PLXND1: variants seen among roughly 807,000 people sequenced by gnomAD.
PLXND1 encodes plexin-D1.
A neutral mutation model predicts 197.7 loss-of-function variants in PLXND1; 54 were observed. The ratio of observed to expected loss-of-function variants is 0.27; its 90% CI spans 0.22 to 0.34. PLXND1 has a LOEUF of 0.34. Ranked by LOEUF, PLXND1 falls within the 10% of genes least tolerant of loss-of-function variation. The pLI is 1.00. For synonymous variants in PLXND1, 1,180 were observed against 1,161.2 expected, an observed-to-expected ratio of 1.02 and a Z score of -0.33; for missense variants, 2,127 against 2,699.2, an observed-to-expected ratio of 0.79 and a Z score of 4.70.
intron 5 of PLXND1, among the ~76,000 whole-genome samples, chr3:129,585,606 G>T (rs1025864513): frequency 6.6e-6 from 1 of 152,178 alleles, no homozygotes; most frequent in Non-Finnish European, 1.5e-5. Context: ...TCTAGAACCC[G>T]CCTCTTGAGT....
chr3:129,584,689 CAGGA>C, intron 5 of PLXND1, 127 bp from the exon 6 acceptor site: 1 of 844,592 alleles, frequency 1.2e-6, no homozygotes, highest in South Asian at 1.7e-5. Flanking sequence ...TAGTGGTGGC[CAGGA>C]CTCAGGGCCA....
Position 129,558,481 on chromosome 3 carries a change from T to C in PLXND1, c.5392A>G (p.Ile1798Val), listed in dbSNP as rs758843755. 115 of 1,613,768 alleles carry C rather than the reference T, an allele frequency of 7.1e-5. No individual in the cohort carries two copies. The highest frequency in any genetic ancestry group is 9.4e-5 in the Non-Finnish European group (111 of 1,179,930). Residue 1798 changes from isoleucine to valine, a missense_variant, in exon 33 of 36, where the codon ATC (isoleucine) becomes GTC (valine). Ile to Val is a conservative substitution (Grantham distance 29). Coordinates refer to ENST00000324093, the MANE Select transcript of PLXND1 (RefSeq NM_015103.3). This position sits in a 1 kb window ranked among gnomAD's most constrained non-coding sequence, Gnocchi z 4.1. ...CAGGCGTCGATGAAGGCCTGCGCGA[T>C]GACTGAAAGGCAGGCGTCGATGTGG... ...TDHIDACLSV[I>V]AQAFIDACSI... is the part of the protein sequence containing the mutation.
Position 129,569,877 on chromosome 3 carries a change from G to C in PLXND1, c.3831C>G (p.Val1277=). The C allele has an allele frequency of 1.2e-6, 2 of 1,612,304 alleles. No individual in the cohort carries two copies. Among genetic ancestry groups the C allele is most frequent in the Non-Finnish European group, 1.7e-6 (2 of 1,178,414 alleles). Residue 1277 remains valine, a synonymous_variant, in exon 20 of 36, where the codon GTC becomes GTG. Coordinates refer to ENST00000324093, the MANE Select transcript of PLXND1 (RefSeq NM_015103.3). ...GSETAIIVSI[V]ICSVLLLLSV... is the part of the protein sequence containing the mutation. ...AGAGCAGCAGCAGGACGCTGCAGATGACGATGGACACGATGATGGCCGTCT... is the reference window on the plus strand; with the variant it reads ...AGAGCAGCAGCAGGACGCTGCAGATCACGATGGACACGATGATGGCCGTCT...
At position 129,605,782 on chromosome 3, in the gene PLXND1, C is replaced by G; in HGVS notation, c.858G>C (p.Pro286=). 6.3e-7 allele frequency: 1 copy of G among 1,585,046 alleles called. No individual in the cohort carries two copies. The highest frequency in any genetic ancestry group is 1.3e-5 in the African/African-American group (1 of 74,276). ...ACTGTGCACCCGGCGGCGGGTCGGA[C>G]GGGTGCAGGAAGGCGCTCACGAAGC... The part of the protein sequence containing the change: ...KLGFVSAFLH[P]SDPPPGAQSY... The change falls in exon 1 of 36, where the codon CCG becomes CCC. Residue 286 remains proline (P), a synonymous_variant. Transcript: ENST00000324093.
In PLXND1 at chr3:129,559,808, G is replaced by A. The variant is rs570746589; in HGVS notation, c.5134-25C>T. ...CCTGCGGGGGAGTGGGGTGGCCGCC[G>A]TCAGCCCCGGGCCACGTGCAGAGGG... On this transcript the variant is annotated intron_variant, in intron 31 of 35. Transcript: ENST00000324093. 49 of 1,564,636 alleles carry A rather than the reference G, an allele frequency of 3.1e-5. No individual in the cohort carries two copies. In the East Asian group the frequency reaches 3.4e-4, roughly 11 times the overall value.
rs1485879457 is a variant in PLXND1 at position 129,555,344 on chromosome 3, G to C, written c.*968C>G. 4 of 589,818 alleles carry C rather than the reference G, an allele frequency of 6.8e-6. No homozygotes were observed. In the South Asian group the frequency reaches 7.9e-5, roughly 12 times the overall value. 36.5% of individuals were successfully genotyped at this position (589,818 alleles called of 1,614,324 possible). ...CTGCGAGGGGCCCGCATGGCCCATC[G>C]GCCACAGAGGGTCGTTTCTGGCAGG... On this transcript the variant is annotated 3_prime_UTR_variant, in exon 36 of 36. Transcript: ENST00000324093.
At chr3:129,591,056 G>T (rs560457693) in intron 1 of PLXND1, among the ~76,000 whole-genome samples, 2 of 152,352 alleles carry the variant, frequency 1.3e-5, no homozygotes, top group East Asian at 3.9e-4. Flanking sequence ...AATAAATAGT[G>T]GGTCCTTCTG....
chr3:129,562,307 G>A (rs560984874), intron 27 of PLXND1, among the ~76,000 whole-genome samples: 1 of 152,206 alleles, frequency 6.6e-6, no homozygotes, highest in Non-Finnish European at 1.5e-5. Flanking sequence ...GAGCCCAGGA[G>A]TTCAAGACCA....
At chr3:129,592,941 TGGCCTC>T (rs1306444384) in intron 1 of PLXND1, among the ~76,000 whole-genome samples, 1 of 152,138 alleles carries the variant, frequency 6.6e-6, no homozygotes, top group African/African-American at 2.4e-5. Context: ...CTGAGCATGC[TGGCCTC>T]GGCTGAACTT....
rs765752229 is a variant in PLXND1, at chr3:129,605,551, T to C, written c.1089A>G (p.Pro363=). The C allele has an allele frequency of 1.3e-5, 20 of 1,530,100 alleles. No individual in the cohort carries two copies. The highest frequency in any genetic ancestry group is 2.0e-5 in the Admixed American group (1 of 50,066). 94.8% of individuals were successfully genotyped at this position (1,530,100 alleles called of 1,614,324 possible). A position where few individuals can be genotyped will look rare whatever the true frequency, so the allele number is the denominator to read the frequency against. ...AGACAGCAAAGAGCCGCTCCCGGGC[T>C]GGGAAGACCGACACCAGGCGGCTGT... is the stretch of plus-strand genomic sequence containing the variant. The part of the protein sequence containing the change: ...DLYSRLVSVF[P]ARERLFAVFE... The change falls in exon 1 of 36, where the codon CCA becomes CCG. Residue 363 remains proline, a synonymous_variant. Transcript: ENST00000324093.
At chr3:129,560,529 G>A in intron 30 of PLXND1, 95 bp from the exon 31 acceptor site, 1 of 994,338 alleles carries the variant, frequency 1.0e-6, no homozygotes, top group South Asian at 1.4e-5. Context: ...GCACACAAGG[G>A]CTGTGGTTCC....
At position 129,566,513 on chromosome 3, in the gene PLXND1, CGT is replaced by C; in HGVS notation, c.4191+12_4191+13del. 6.6e-7 allele frequency: 1 copy of C among 1,524,470 alleles called. No homozygotes were observed. The highest frequency in any genetic ancestry group is 9.1e-7 in the Non-Finnish European group (1 of 1,098,230). The allele number at this position is 1,524,470 out of a possible 1,614,324, so 94.4% of individuals were successfully genotyped here. A position where few individuals can be genotyped will look rare whatever the true frequency, so the allele number is the denominator to read the frequency against. ...CTGAAGCAGCCCACTGTGTGTGGGT[CGT>C]GGGGTACTCACCTTCCACTCTCCCA... On this transcript the variant is annotated intron_variant, in intron 23 of 35. Transcript: ENST00000324093.
Position 129,559,600 on chromosome 3 carries a change from A to T in PLXND1, c.5297+20T>A, listed in dbSNP as rs2085026995. On this transcript the variant is annotated intron_variant, in intron 32 of 35. Transcript: ENST00000324093. ...GCCCCAGTGGCACAGTGAAGTCCAC[A>T]CGGCCCCCCCACCCGCCACCTGTTG... 1 of 1,565,214 alleles carries T rather than the reference A, an allele frequency of 6.4e-7. No individual in the cohort carries two copies. Among genetic ancestry groups the T allele is most frequent in the African/African-American group, 1.4e-5 (1 of 70,430 alleles).
intron 19 of PLXND1, 76 bp downstream of exon 19, chr3:129,570,710 G>C (rs1357869793): frequency 7.0e-7 from 1 of 1,424,134 alleles, no homozygotes; most frequent in African/African-American, 1.4e-5. Flanking sequence ...TCAGGTGCTG[G>C]GTGAGGGGCA....
chr3:129,564,742 T>C (rs1204382401), intron 25 of PLXND1, among the ~76,000 whole-genome samples: 8 of 152,240 alleles, frequency 5.3e-5, no homozygotes, highest in African/African-American at 1.9e-4. Flanking sequence ...AGAAGATTCT[T>C]TGGCCTTCCT....
chr3:129,555,548 A>T lies in PLXND1; in HGVS notation c.*764T>A, dbSNP rs1335551327. ...ACGTTTTTTAATATATAAAAGCTTTAAAAAAAAAAGTGGTGCTATCTTTAG... is the reference window on the plus strand; with the variant it reads ...ACGTTTTTTAATATATAAAAGCTTTTAAAAAAAAAGTGGTGCTATCTTTAG... On this transcript the variant is annotated 3_prime_UTR_variant, in exon 36 of 36. Coordinates refer to ENST00000324093, the MANE Select transcript of PLXND1 (RefSeq NM_015103.3). 9 of 585,076 alleles carry T rather than the reference A, an allele frequency of 1.5e-5. No individual in the cohort carries two copies. The highest frequency in any genetic ancestry group is 6.4e-5 in the East Asian group (2 of 31,020). 36.2% of individuals were successfully genotyped at this position (585,076 alleles called of 1,614,324 possible).
Position 129,563,206 on chromosome 3 carries a change from C to G in PLXND1, c.4556G>C (p.Cys1519Ser). 1 of 1,612,598 alleles carries G rather than the reference C, an allele frequency of 6.2e-7. No individual in the cohort carries two copies. Among genetic ancestry groups the G allele is most frequent in the Non-Finnish European group, 8.5e-7 (1 of 1,179,240 alleles). Reference protein sequence around the residue: ...TVGEPFFLLLCAIKQQINKGS... With the variant: ...TVGEPFFLLLSAIKQQINKGS... ...CTTGTTGATTTGCTGCTTGATGGCA[C>G]ACAGCAGCAGGAAGAATGGCTCCCC... is the stretch of plus-strand genomic sequence containing the variant. Residue 1519 changes from cysteine to serine, a missense_variant, in exon 26 of 36, where the codon TGT (cysteine) becomes TCT (serine). Cys to Ser is a moderately radical substitution (Grantham distance 112). Transcript: ENST00000324093.
In PLXND1 at chr3:129,584,521, A is replaced by C. The variant is rs1447541355; in HGVS notation, c.1893T>G (p.Ser631Arg). 1.2e-6 allele frequency: 2 copies of C among 1,613,250 alleles called. No individual in the cohort carries two copies. Among genetic ancestry groups the C allele is most frequent in the South Asian group, 1.1e-5 (1 of 90,994 alleles). The stretch of plus-strand genomic sequence containing the variant: ...CATAGTCACAGGCCATCTCCATGCC[A>C]CTGAGGCTGGGCAGGCTGCCCGAGA... ...LQISGSLPSL[S>R]GMEMACDYGN... The change falls in exon 6 of 36, where the codon AGT becomes AGG. Residue 631 changes from serine (S) to arginine (R), a missense_variant. By Grantham distance (110) the Ser-to-Arg change is moderately radical. Transcript: ENST00000324093.
In PLXND1 at chr3:129,557,800, C is replaced by G. The variant is rs914369285; in HGVS notation, c.5446-577G>C. On this transcript the variant is annotated intron_variant, in intron 33 of 35. Transcript: ENST00000324093. This position sits in a 1 kb window ranked among gnomAD's most constrained non-coding sequence, Gnocchi z 4.8. The stretch of plus-strand genomic sequence containing the variant: ...GGCTAAATGCAGGGTCACACACGAC[C>G]TGGACCAATCCTGCAGTGCCAGCTT... 6.6e-6 allele frequency among the ~76,000 whole-genome samples: 1 copy of G among 152,242 alleles called. No individual in the cohort carries two copies. The highest frequency in any genetic ancestry group is 6.5e-5 in the Admixed American group (1 of 15,286).
Sources: gnomAD v4.1 joint callset for allele counts (sites outside exome capture counted in the v4.1 genomes callset) on GRCh38, gnomAD v4.1.1 for gene constraint, Gnocchi (gnomAD v3.1) non-coding constraint, MANE v1.5 for transcripts, NCBI Gene and HGNC (gene_info 2026-07-23, HGNC 2026-07-21) for gene names.